The following URB2 variants were observed in gnomAD, a reference collection of about 807,000 sequenced individuals.
URB2 encodes the protein unhealthy ribosome biogenesis protein 2 homolog.
Under a neutral mutation model 120.9 loss-of-function variants are expected in URB2, and 86 were observed. The ratio of observed to expected loss-of-function variants is 0.71; its 90% CI spans 0.60 to 0.85. URB2 has a LOEUF of 0.85. Ranked by LOEUF, URB2 falls within the 40% of genes least tolerant of loss-of-function variation. The pLI is 0.00. For synonymous variants in URB2, 755 were observed against 758.4 expected (o/e 1.00, Z 0.07); for missense variants, 1,765 against 1,836.5 (o/e 0.96, Z 0.71).
At chr1:229,638,472 C>T (rs1025364225) in intron 4 of URB2, among the ~76,000 whole-genome samples, 4 of 152,010 alleles carry the variant, frequency 2.6e-5, no homozygotes, top group African/African-American at 9.7e-5. Flanking sequence ...GGAGAAACCC[C>T]ATCTCTAGTA....
chr1:229,642,016 CAT>C lies in URB2; in HGVS notation c.3635-1515_3635-1514del, dbSNP rs528209803. The stretch of plus-strand genomic sequence containing the variant: ...TGGAGTGAGACCCTGTCTCCAGAAA[CAT>C]AAAAAAAACCAATTAAAATGCTTGT... On this transcript the variant is annotated intron_variant, in intron 4 of 9. Coordinates refer to ENST00000258243, the MANE Select transcript of URB2 (RefSeq NM_014777.4). 3.1e-3 allele frequency among the ~76,000 whole-genome samples: 466 copies of C among 152,186 alleles called. 2 individuals carry two copies. The highest frequency in any genetic ancestry group is 0.011 in the African/African-American group (437 of 41,504).
At chr1:229,632,148 G>A (rs900952215) in intron 2 of URB2, 121 bp from the exon 3 acceptor site, 3 of 721,910 alleles carry the variant, frequency 4.2e-6, no homozygotes, top group Non-Finnish European at 4.1e-6. Flanking sequence ...TAAAAGAGAG[G>A]TTCTCCCCCG....
intron 4 of URB2, among the ~76,000 whole-genome samples, chr1:229,641,740 T>C (rs987132425): frequency 2.0e-5 from 3 of 152,202 alleles, no homozygotes; most frequent in African/African-American, 7.2e-5. Flanking sequence ...AAAATGCTTC[T>C]TGGCTGGGAG....
Position 229,645,900 on chromosome 1 carries a change from C to T in URB2, c.3837C>T (p.Asn1279=), listed in dbSNP as rs1175430879. 1.2e-6 allele frequency: 2 copies of T among 1,614,218 alleles called. No individual in the cohort carries two copies. ...SAVTLLRLLL[N]CPLSGEKASL... ...TTACACTGCTGAGGCTGCTACTGAACTGCCCACTCAGTGGAGAGAAAGCAA... is the reference window on the plus strand; with the variant it reads ...TTACACTGCTGAGGCTGCTACTGAATTGCCCACTCAGTGGAGAGAAAGCAA... Residue 1279 remains asparagine, a synonymous_variant, in exon 6 of 10, where the codon AAC becomes AAT. Transcript: ENST00000258243.
intron 6 of URB2, among the ~76,000 whole-genome samples, chr1:229,646,888 T>C (rs1666157591): frequency 6.6e-6 from 1 of 152,226 alleles, no homozygotes; most frequent in Non-Finnish European, 1.5e-5. Flanking sequence ...AGCATGTTCC[T>C]GGGGCAAAAG....
chr1:229,636,072 C>G lies in URB2; in HGVS notation c.1459C>G (p.Gln487Glu). The G allele has an allele frequency of 1.2e-6, 2 of 1,614,242 alleles. No homozygotes were observed. The highest frequency in any genetic ancestry group is 1.7e-6 in the Non-Finnish European group (2 of 1,180,038). ...TCGTCCAGCTGCTGAGGCACTGAGG[C>G]AGCCTGTGCTGGCCTCGGGCCCCTC... is the stretch of plus-strand genomic sequence containing the variant. ...ICRPAAEALR[Q>E]PVLASGPSTV... Residue 487 changes from glutamine (Q) to glutamate (E), a missense_variant, in exon 4 of 10, where the codon CAG becomes GAG. Gln to Glu is a conservative substitution (Grantham distance 29, BLOSUM62 2). Transcript: ENST00000258243.
rs80089474 is a variant in URB2 at position 229,636,017 on chromosome 1, G to A, written c.1404G>A (p.Arg468=). 1.2e-6 allele frequency: 2 copies of A among 1,613,866 alleles called. No homozygotes were observed. Among genetic ancestry groups the A allele is most frequent in the Non-Finnish European group, 1.7e-6 (2 of 1,179,730 alleles). Residue 468 remains arginine, a synonymous_variant, in exon 4 of 10, where the codon CGG becomes CGA. Coordinates refer to ENST00000258243, the MANE Select transcript of URB2 (RefSeq NM_014777.4). ...ATGCCAAACTCCGACAAGTGCCACG[G>A]TTGTTTGAAGAGGTTTTGGGGGTGA... ...QTYAKLRQVP[R]LFEEVLGVIC...
At chr1:229,638,378 G>T (rs1042685671) in intron 4 of URB2, 131 bp downstream of exon 4, 9 of 1,055,928 alleles carry the variant, frequency 8.5e-6, no homozygotes, top group Non-Finnish European at 1.2e-5. Flanking sequence ...GGGTGCGGTG[G>T]CTTACACCTG....
chr1:229,655,550 A>G (rs557677008), intron 9 of URB2, among the ~76,000 whole-genome samples: 21 of 152,278 alleles, frequency 1.4e-4, no homozygotes, highest in African/African-American at 5.1e-4. Flanking sequence ...CAGTTATCTT[A>G]CTTTGGAATG....
chr1:229,628,514 G>A (rs1201655962), intron 2 of URB2, among the ~76,000 whole-genome samples: 2 of 152,058 alleles, frequency 1.3e-5, no homozygotes, highest in Admixed American at 6.6e-5. Flanking sequence ...AACACATTGG[G>A]AATTAAGTTA....
At chr1:229,648,806 G>A (rs1359014136) in intron 7 of URB2, among the ~76,000 whole-genome samples, 3 of 152,182 alleles carry the variant, frequency 2.0e-5, no homozygotes, top group Non-Finnish European at 4.4e-5. Flanking sequence ...TTAATGCATC[G>A]CTTAATGACA....
intron 3 of URB2, among the ~76,000 whole-genome samples, chr1:229,634,604 A>C (rs558480810): frequency 2.6e-5 from 4 of 152,192 alleles, no homozygotes; most frequent in African/African-American, 9.7e-5. Flanking sequence ...ATCTAAGAGA[A>C]AGTGACATTT....
intron 2 of URB2, 52 bp from the exon 3 acceptor site, chr1:229,632,217 C>T: frequency 7.0e-7 from 1 of 1,418,858 alleles, no homozygotes; most frequent in Non-Finnish European, 9.2e-7. Flanking sequence ...TGTCTAACAT[C>T]TTTCTCTCAG....
intron 5 of URB2, 86 bp downstream of exon 5, chr1:229,643,779 C>T: frequency 1.3e-6 from 2 of 1,516,244 alleles, no homozygotes; most frequent in Non-Finnish European, 1.8e-6. Flanking sequence ...TGGTGTCACC[C>T]TTAAAACTAA....
Position 229,635,405 on chromosome 1 carries a change from G to C in URB2, c.792G>C (p.Gly264=), listed in dbSNP as rs980187706. 2 of 1,613,956 alleles carry C rather than the reference G, an allele frequency of 1.2e-6. No individual in the cohort carries two copies. Among genetic ancestry groups the C allele is most frequent in the African/African-American group, 1.3e-5 (1 of 74,942 alleles). ...AGGGGCTCTTGGACCAGCAGCAAGG[G>C]GATGTGAAGACGGGAGCCATGAAGA... ...YKEGLLDQQQ[G]DVKTGAMKNL... The change falls in exon 4 of 10, where the codon GGG becomes GGC. Residue 264 remains glycine, a synonymous_variant. Transcript: ENST00000258243.
intron 3 of URB2, among the ~76,000 whole-genome samples, chr1:229,633,393 A>T (rs1665718198): frequency 6.6e-6 from 1 of 152,236 alleles, no homozygotes; most frequent in Admixed American, 6.5e-5. Flanking sequence ...TTTTATTTTT[A>T]TGTATGCTTC....
chr1:229,632,519 T>C (rs1340945385), intron 3 of URB2, 74 bp downstream of exon 3: 23 of 1,318,278 alleles, frequency 1.7e-5, no homozygotes, highest in Non-Finnish European at 2.3e-5. Flanking sequence ...AAACTTGTTT[T>C]AGTGTCAATT....
chr1:229,656,178 C>G (rs1666402902), intron 9 of URB2, among the ~76,000 whole-genome samples: 2 of 152,262 alleles, frequency 1.3e-5, no homozygotes, highest in South Asian at 4.1e-4. Context: ...TTAGTATTTC[C>G]CAAGCACACC....
chr1:229,656,685 G>GGGACCAC lies in URB2; in HGVS notation c.4377+2302_4377+2303insACGGACC, dbSNP rs1666414675. On this transcript the variant is annotated intron_variant, in intron 9 of 9. Coordinates refer to ENST00000258243, the MANE Select transcript of URB2 (RefSeq NM_014777.4). ...TTCTGCAGAGTTGAGTATTGCTGGT[G>GGGACCAC]GGACCTGTCAGTAGTCAGGGAAGAC... Among the ~76,000 whole-genome samples the GGGACCAC allele has an allele frequency of 2.0e-5, 3 of 152,174 alleles. No individual in the cohort carries two copies. The South Asian group carries it at 6.2e-4, about 32-fold the overall frequency.
Sources: gnomAD v4.1 joint callset for allele counts (sites outside exome capture counted in the v4.1 genomes callset) on GRCh38, gnomAD v4.1.1 for gene constraint, MANE v1.5 for transcripts, NCBI Gene and HGNC (gene_info 2026-07-23, HGNC 2026-07-21) for gene names.